TOX: variants seen among roughly 807,000 people sequenced by gnomAD.
The protein encoded by TOX is thymocyte selection associated high mobility group box.
TOX carries 11 observed loss-of-function variants against 53.7 expected under a neutral mutation model. The observed-to-expected ratio is 0.20, with a 90% CI of 0.13 to 0.34. TOX has a LOEUF of 0.34. TOX is among the 10% of genes least tolerant of loss of function. The pLI is 1.00. For synonymous variants in TOX, 225 were observed against 245.3 expected, an observed-to-expected ratio of 0.92 and a Z score of 0.77; for missense variants, 570 against 664.6, an observed-to-expected ratio of 0.86 and a Z score of 1.56.
chr8:58,954,043 A>G (rs1403113357), intron 2 of TOX, among the ~76,000 whole-genome samples: 1 of 152,192 alleles, frequency 6.6e-6, no homozygotes, highest in Non-Finnish European at 1.5e-5. Context: ...AATATTGTAC[A>G]AAAAGAAATT....
intron 1 of TOX, among the ~76,000 whole-genome samples, chr8:59,003,074 T>C (rs1254623375): frequency 2.0e-5 from 3 of 152,232 alleles, no homozygotes; most frequent in South Asian, 2.1e-4. Flanking sequence ...TTTGGTTTCA[T>C]CTTCTTCTAA....
chr8:59,022,020 G>A (rs1401626837), intron 1 of TOX, among the ~76,000 whole-genome samples: 1 of 151,884 alleles, frequency 6.6e-6, no homozygotes, highest in Non-Finnish European at 1.5e-5. Flanking sequence ...TCCTATGAAG[G>A]GATTATTACA....
At chr8:58,995,733 T>C (rs1363782686) in intron 1 of TOX, among the ~76,000 whole-genome samples, 1 of 152,254 alleles carries the variant, frequency 6.6e-6, no homozygotes, top group African/African-American at 2.4e-5. Context: ...TCCCTTCATA[T>C]GCTGGTCGTC....
At chr8:59,083,505 A>G (rs6471767) in intron 1 of TOX, among the ~76,000 whole-genome samples, 48,261 of 152,096 alleles carry the variant, frequency 0.32, 12,856 homozygotes, top group African/African-American at 0.73. Context: ...CACAAGGAGC[A>G]TTTATGGAGA....
chr8:59,008,705 C>T lies in TOX; in HGVS notation c.103-48697G>A, dbSNP rs186515593. ...TTTTCCCCGAGAAGTCTCAATGTTG[C>T]GGCCTCCTCAATGGCTGCTGGATTT... On this transcript the variant is annotated intron_variant, in intron 1 of 8. Coordinates refer to ENST00000361421, the MANE Select transcript of TOX (RefSeq NM_014729.3). Among the ~76,000 whole-genome samples, 5 of 152,294 alleles carry T rather than the reference C, an allele frequency of 3.3e-5. No individual in the cohort carries two copies. The East Asian group carries it at 7.7e-4, about 23-fold the overall frequency.
At chr8:58,911,759 A>C in intron 3 of TOX, among the ~76,000 whole-genome samples, 1 of 151,942 alleles carries the variant, frequency 6.6e-6, no homozygotes. Flanking sequence ...GCTGGAGTGC[A>C]ATGGTGCAAT....
intron 2 of TOX, among the ~76,000 whole-genome samples, chr8:58,950,534 T>A (rs1812604225): frequency 6.6e-6 from 1 of 152,186 alleles, no homozygotes; most frequent in Non-Finnish European, 1.5e-5. Flanking sequence ...CTGGAGGTCA[T>A]CTCACTTGCT....
intron 1 of TOX, among the ~76,000 whole-genome samples, chr8:59,002,673 C>A (rs1220004555): frequency 6.6e-6 from 1 of 151,618 alleles, no homozygotes; most frequent in Non-Finnish European, 1.5e-5. Flanking sequence ...ACCTTCTAAC[C>A]ATTTAGCATG....
intron 3 of TOX, among the ~76,000 whole-genome samples, chr8:58,868,688 C>T (rs188757693): frequency 1.2e-3 from 177 of 152,008 alleles, no homozygotes; most frequent in Middle Eastern, 6.8e-3. Context: ...CGAAGCAGTG[C>T]TTAGAGGAAA....
At chr8:59,001,038 T>C (rs968489293) in intron 1 of TOX, among the ~76,000 whole-genome samples, 6 of 152,168 alleles carry the variant, frequency 3.9e-5, no homozygotes, top group African/African-American at 1.4e-4. Context: ...ATAGCAAGCT[T>C]AGAACAATTG....
intron 1 of TOX, among the ~76,000 whole-genome samples, chr8:58,984,806 A>T (rs1159673076): frequency 7.2e-6 from 1 of 138,548 alleles, no homozygotes; most frequent in Non-Finnish European, 1.6e-5. Context: ...AAAAAAAAAA[A>T]TTGACTAAAA....
intron 1 of TOX, among the ~76,000 whole-genome samples, chr8:59,036,643 G>C (rs1237669766): frequency 6.6e-6 from 1 of 152,058 alleles, no homozygotes; most frequent in Non-Finnish European, 1.5e-5. Flanking sequence ...ATCAAACTAA[G>C]TTACATTCAG....
At chr8:58,926,452 G>A (rs1383622585) in intron 3 of TOX, among the ~76,000 whole-genome samples, 1 of 152,198 alleles carries the variant, frequency 6.6e-6, no homozygotes, top group East Asian at 1.9e-4. Context: ...AAAGTTGGCT[G>A]AGTTTATTTA....
At position 59,014,793 on chromosome 8, in the gene TOX, T is replaced by G. The variant is rs2129418968; in HGVS notation, c.103-54785A>C. Among the ~76,000 whole-genome samples, 2 of 152,296 alleles carry G rather than the reference T, an allele frequency of 1.3e-5. 1 individual carries two copies. The highest frequency in any genetic ancestry group is 3.9e-4 in the East Asian group (2 of 5,184). ...GTGAATTATGCATAGCAGAATGGAA[T>G]GGAGGAATGGTATTTATAATGCTAA... On this transcript the variant is annotated intron_variant, in intron 1 of 8. Transcript: ENST00000361421.
chr8:58,833,383 G>A (rs1257516711), intron 5 of TOX, among the ~76,000 whole-genome samples: 1 of 152,154 alleles, frequency 6.6e-6, no homozygotes, highest in Non-Finnish European at 1.5e-5. Context: ...TTCAAAGCGG[G>A]ACGAGCTCTT....
At chr8:58,855,266 C>G (rs937692601) in intron 3 of TOX, among the ~76,000 whole-genome samples, 2 of 152,128 alleles carry the variant, frequency 1.3e-5, no homozygotes, top group Non-Finnish European at 2.9e-5. Context: ...ATGTTCTCAA[C>G]TAAAATGTAC....
At chr8:59,064,778 T>C (rs1293202407) in intron 1 of TOX, among the ~76,000 whole-genome samples, 1 of 152,190 alleles carries the variant, frequency 6.6e-6, no homozygotes, top group African/African-American at 2.4e-5. Context: ...ATCACAAAAG[T>C]AGAATAAAAC....
chr8:58,838,699 C>CTTTTTTTTTCT (rs1810590984), intron 4 of TOX, among the ~76,000 whole-genome samples: 1 of 88,912 alleles, frequency 1.1e-5, no homozygotes, highest in African/African-American at 6.0e-5. Context: ...TTATCCTTGT[C>CTTTTTTTTTCT]TTTTTTTTTT....
intron 2 of TOX, among the ~76,000 whole-genome samples, chr8:58,953,048 C>CT (rs1047081623): frequency 1.4e-4 from 21 of 150,906 alleles, no homozygotes; most frequent in Admixed American, 3.3e-4. Context: ...GGCCTATTTA[C>CT]TTTTTTTTTA....
Sources: allele counts gnomAD v4.1 joint callset (sites outside exome capture counted in the v4.1 genomes callset), GRCh38; gene constraint gnomAD v4.1.1; transcripts MANE v1.5; gene names NCBI Gene and HGNC (gene_info 2026-07-23, HGNC 2026-07-21).